Variants in ASTN2 observed in about 807,000 individuals in gnomAD.
ASTN2 encodes the protein astrotactin 2.
In ASTN2, 54 loss-of-function variants were observed where a neutral mutation model predicts 139.8. The observed-to-expected ratio is 0.39, with a 90% CI of 0.31 to 0.48. The LOEUF is 0.48. Ranked by LOEUF, ASTN2 falls within the 20% of genes least tolerant of loss-of-function variation. The pLI is 0.95. For missense variants in ASTN2, 1,565 were observed against 1,725.1 expected, an observed-to-expected ratio of 0.91 and a Z score of 1.64; for synonymous variants, 756 against 719.5, an observed-to-expected ratio of 1.05 and a Z score of -0.81.
rs1002827971 is a variant in ASTN2, at chr9:116,424,631, C to T, written c.*1220G>A. ...TTTAAGTTGTCACCTAGGCTGGAGT[C>T]CAGTGGCTCCATGTCAGTTCACTGC... On this transcript the variant is annotated 3_prime_UTR_variant, in exon 23 of 23. Transcript: ENST00000313400. 2.0e-5 allele frequency among the ~76,000 whole-genome samples: 3 copies of T among 148,792 alleles called. No homozygotes were observed. The highest frequency in any genetic ancestry group is 7.5e-5 in the African/African-American group (3 of 40,188).
chr9:117,043,147 A>AG (rs1838628798), intron 5 of ASTN2, among the ~76,000 whole-genome samples: 1 of 152,176 alleles, frequency 6.6e-6, no homozygotes, highest in Non-Finnish European at 1.5e-5. Context: ...CTGGGATTAC[A>AG]GGCACGAACC....
chr9:116,774,613 T>C (rs918491958), intron 13 of ASTN2, among the ~76,000 whole-genome samples: 3 of 152,146 alleles, frequency 2.0e-5, no homozygotes, highest in Admixed American at 6.5e-5. Flanking sequence ...AGTTGGTAAA[T>C]AGCTTTGGTG....
chr9:117,015,999 C>A (rs1837661895), intron 6 of ASTN2, among the ~76,000 whole-genome samples: 1 of 152,018 alleles, frequency 6.6e-6, no homozygotes, highest in Admixed American at 6.6e-5. Context: ...AATTTTAATA[C>A]CAGAGATATA....
chr9:116,826,286 A>C (rs1831622865), intron 11 of ASTN2, among the ~76,000 whole-genome samples: 1 of 152,122 alleles, frequency 6.6e-6, no homozygotes, highest in South Asian at 2.1e-4. Flanking sequence ...GGCCACACTC[A>C]CCACAGCTTC....
At chr9:117,193,958 G>C (rs1233510174) in intron 3 of ASTN2, among the ~76,000 whole-genome samples, 1 of 135,318 alleles carries the variant, frequency 7.4e-6, no homozygotes, top group Admixed American at 7.6e-5. Context: ...CAGAGGGCAG[G>C]GTGTTGTTGT....
intron 1 of ASTN2, among the ~76,000 whole-genome samples, chr9:117,377,547 C>T (rs1235249992): frequency 1.3e-5 from 2 of 152,118 alleles, no homozygotes; most frequent in South Asian, 2.1e-4. Context: ...TTTAAGAGGG[C>T]ATTTCAGCAA....
chr9:116,615,847 A>G (rs1354761115), intron 19 of ASTN2, among the ~76,000 whole-genome samples: 1 of 152,132 alleles, frequency 6.6e-6, no homozygotes, highest in Non-Finnish European at 1.5e-5. Context: ...CACGTTGTAC[A>G]CATGTACCCT....
chr9:116,873,675 A>G (rs930853974), intron 10 of ASTN2, among the ~76,000 whole-genome samples: 2 of 152,184 alleles, frequency 1.3e-5, no homozygotes, highest in Non-Finnish European at 2.9e-5. Context: ...GTCATGTTGA[A>G]TTGTAATCCT....
At chr9:117,369,623 C>A (rs1395563299) in intron 1 of ASTN2, among the ~76,000 whole-genome samples, 3 of 152,146 alleles carry the variant, frequency 2.0e-5, no homozygotes, top group African/African-American at 4.8e-5. Flanking sequence ...AGACTAAACA[C>A]TCTTTGAAGG....
rs567901693 is a variant in ASTN2 at position 116,531,571 on chromosome 9, T to C, written c.3356-44071A>G. Among the ~76,000 whole-genome samples, 731 of 140,698 alleles carry C rather than the reference T, an allele frequency of 5.2e-3. 2 individuals carry two copies. Among genetic ancestry groups the C allele is most frequent in the Middle Eastern group, 0.022 (6 of 276 alleles). The allele number at this position is 140,698 out of a possible 152,430, so 92.3% of individuals were successfully genotyped here. A position where few individuals can be genotyped will look rare whatever the true frequency, so the allele number is the denominator to read the frequency against. The stretch of plus-strand genomic sequence containing the variant: ...TGATATTCCCCTTCCTGTGTCCAAG[T>C]GTTCTCATTGTTCAATTCCCATCTA... On this transcript the variant is annotated intron_variant, in intron 19 of 22. Transcript: ENST00000313400.
At chr9:116,972,976 G>T (rs2132521569) in intron 10 of ASTN2, among the ~76,000 whole-genome samples, 1 of 152,272 alleles carries the variant, frequency 6.6e-6, no homozygotes, top group South Asian at 2.1e-4. Flanking sequence ...CCATCTGACT[G>T]GAACTTATTA....
At chr9:116,897,852 A>G (rs1446668857) in intron 10 of ASTN2, among the ~76,000 whole-genome samples, 1 of 152,220 alleles carries the variant, frequency 6.6e-6, no homozygotes, top group Non-Finnish European at 1.5e-5. Flanking sequence ...TGACAACACA[A>G]ACTCATTTAA....
chr9:116,722,837 T>C (rs562174252), intron 16 of ASTN2, among the ~76,000 whole-genome samples: 3 of 152,314 alleles, frequency 2.0e-5, no homozygotes, highest in African/African-American at 7.2e-5. Context: ...TACAGGATTG[T>C]CTTTATCTAG....
chr9:116,440,613 G>T lies in ASTN2; in HGVS notation c.3778C>A (p.Pro1260Thr), dbSNP rs1159115164. ...ATCACACAAATACGCCCATACCTGG[G>T]CCCCAGCTCATCCTCACTTCTCCAG... ...FVWRSEDELGPRKAHLILRRL... is the reference protein window; with the variant it reads ...FVWRSEDELGTRKAHLILRRL... The change falls in exon 22 of 23, where the codon CCC becomes ACC. Residue 1260 changes from proline (P) to threonine (T), a missense_variant. Pro to Thr is a conservative substitution (Grantham distance 38). This residue lies in a region of ASTN2 where 418 missense variants were observed against 465.8 expected (regional missense o/e 0.90). Transcript: ENST00000313400. 2 of 1,612,954 alleles carry T rather than the reference G, an allele frequency of 1.2e-6. No homozygotes were observed. Among genetic ancestry groups the T allele is most frequent in the Non-Finnish European group, 1.7e-6 (2 of 1,179,966 alleles).
At chr9:117,381,580 GC>G (rs1267644417) in intron 1 of ASTN2, among the ~76,000 whole-genome samples, 1 of 152,024 alleles carries the variant, frequency 6.6e-6, no homozygotes, top group Admixed American at 6.6e-5. Flanking sequence ...ATATTAAGAA[GC>G]CTGCTCTTGC....
chr9:117,382,218 C>G (rs140736686), intron 1 of ASTN2, among the ~76,000 whole-genome samples: 1 of 151,972 alleles, frequency 6.6e-6, no homozygotes, highest in South Asian at 2.1e-4. Context: ...AAAGCGAGGT[C>G]AAGAGTGGGT....
At chr9:116,966,261 A>T (rs1232741649) in intron 10 of ASTN2, among the ~76,000 whole-genome samples, 1 of 152,226 alleles carries the variant, frequency 6.6e-6, no homozygotes, top group Admixed American at 6.5e-5. Flanking sequence ...TACATTTATT[A>T]AAGTTTTAAT....
intron 6 of ASTN2, among the ~76,000 whole-genome samples, chr9:117,011,777 G>C (rs1348484830): frequency 6.6e-6 from 1 of 152,170 alleles, no homozygotes. Flanking sequence ...AATTGACATG[G>C]TCAAATTTGC....
At chr9:116,509,616 C>G (rs1475540153) in intron 19 of ASTN2, among the ~76,000 whole-genome samples, 3 of 152,174 alleles carry the variant, frequency 2.0e-5, no homozygotes, top group Admixed American at 6.5e-5. Flanking sequence ...CTAGTTTACT[C>G]TCCCACCAAC....
Sources: gnomAD v4.1 joint callset for allele counts (sites outside exome capture counted in the v4.1 genomes callset) on GRCh38, gnomAD v4.1.1 for gene constraint, gnomAD v4.1.1 regional missense constraint, MANE v1.5 for transcripts, NCBI Gene and HGNC (gene_info 2026-07-23, HGNC 2026-07-21) for gene names.